The following AKR1C8 variants were observed in gnomAD, a reference collection of about 807,000 sequenced individuals.
AKR1C8 encodes the protein aldo-keto reductase family 1 member C-like protein 1.
chr10:5,155,501 T>C, the AKR1C8 span: 433 of 290,606 alleles, frequency 1.5e-3, 1 homozygote, highest in African/African-American at 9.0e-3. Flanking sequence ...ACATTTCTGC[T>C]GGGTCAGAGA....
the AKR1C8 span, among the ~76,000 whole-genome samples, chr10:5,117,658 T>C: frequency 5.9e-5 from 9 of 152,260 alleles, no homozygotes; most frequent in East Asian, 1.2e-3. Flanking sequence ...ACAAGAAGCA[T>C]AGCATTGGCA....
At chr10:5,127,218 T>C in the AKR1C8 span, among the ~76,000 whole-genome samples, 9 of 152,068 alleles carry the variant, frequency 5.9e-5, no homozygotes, top group Non-Finnish European at 1.0e-4. Flanking sequence ...TAAAATTTTT[T>C]TTTAAAAAAA....
chr10:5,116,794 G>A, the AKR1C8 span, among the ~76,000 whole-genome samples: 1 of 151,796 alleles, frequency 6.6e-6, no homozygotes, highest in African/African-American at 2.4e-5. Context: ...GCAGCTGTCT[G>A]CTTTTGGGTG....
the AKR1C8 span, among the ~76,000 whole-genome samples, chr10:5,144,446 T>C: frequency 2.6e-5 from 4 of 152,036 alleles, no homozygotes; most frequent in Admixed American, 2.0e-4. Context: ...TGGCATTGAA[T>C]CTGTAAATTA....
chr10:5,180,358 G>C, the AKR1C8 span, among the ~76,000 whole-genome samples: 2 of 152,156 alleles, frequency 1.3e-5, no homozygotes, highest in Non-Finnish European at 2.9e-5. Context: ...TGAGTACCTG[G>C]CTGTGTGCGG....
At chr10:5,176,331 A>G in the AKR1C8 span, among the ~76,000 whole-genome samples, 1 of 136,248 alleles carries the variant, frequency 7.3e-6, no homozygotes, top group African/African-American at 2.6e-5. Flanking sequence ...TGTTCCACTG[A>G]TCTATATCTC....
At chr10:5,129,788 A>G in the AKR1C8 span, among the ~76,000 whole-genome samples, 11 of 151,968 alleles carry the variant, frequency 7.2e-5, no homozygotes, top group African/African-American at 2.7e-4. Context: ...AAAATTGCCA[A>G]CAAAAAAAGC....
the AKR1C8 span, among the ~76,000 whole-genome samples, chr10:5,127,002 T>G: frequency 6.6e-6 from 1 of 152,050 alleles, no homozygotes; most frequent in Non-Finnish European, 1.5e-5. Flanking sequence ...TGAGAGGACA[T>G]CAGAAAAGTA....
At chr10:5,175,974 T>G in the AKR1C8 span, among the ~76,000 whole-genome samples, 3 of 152,134 alleles carry the variant, frequency 2.0e-5, no homozygotes, top group African/African-American at 4.8e-5. Flanking sequence ...AAAAGCTCTT[T>G]AGTTTAATTA....
the AKR1C8 span, among the ~76,000 whole-genome samples, chr10:5,172,129 G>A: frequency 1.3e-5 from 2 of 152,080 alleles, no homozygotes; most frequent in African/African-American, 4.8e-5. Flanking sequence ...TTACTTAGCT[G>A]CAAACAGGCA....
At chr10:5,118,775 T>C in the AKR1C8 span, among the ~76,000 whole-genome samples, 42,330 of 152,072 alleles carry the variant, frequency 0.28, 6,750 homozygotes, top group Non-Finnish European at 0.36. Flanking sequence ...TAGTGAAACA[T>C]CAGAGAGCAA....
chr10:5,139,131 A>C, the AKR1C8 span, among the ~76,000 whole-genome samples: 2 of 152,194 alleles, frequency 1.3e-5, no homozygotes, highest in African/African-American at 4.8e-5. Context: ...GAGAACTACA[A>C]ACCACTGCTC....
At chr10:5,182,371 T>C in the AKR1C8 span, among the ~76,000 whole-genome samples, 5 of 152,178 alleles carry the variant, frequency 3.3e-5, no homozygotes, top group African/African-American at 1.2e-4. Context: ...AAAACTGGCC[T>C]CATACCTTGT....
At chr10:5,180,158 G>C in the AKR1C8 span, among the ~76,000 whole-genome samples, 1 of 152,144 alleles carries the variant, frequency 6.6e-6, no homozygotes. Context: ...TTTTAGTGTG[G>C]ATGTCCTTTC....
chr10:5,123,262 C>G, the AKR1C8 span: 5 of 211,580 alleles, frequency 2.4e-5, no homozygotes, highest in Non-Finnish European at 5.3e-5. Flanking sequence ...TAATGCCCAC[C>G]CAACGCCTCA....
At chr10:5,143,301 T>A in the AKR1C8 span, among the ~76,000 whole-genome samples, 1 of 152,142 alleles carries the variant, frequency 6.6e-6, no homozygotes, top group East Asian at 1.9e-4. Flanking sequence ...AGCCTTCTGA[T>A]CTTTGAACTT....
the AKR1C8 span, among the ~76,000 whole-genome samples, chr10:5,167,533 G>T: frequency 5.9e-5 from 9 of 152,054 alleles, no homozygotes; most frequent in African/African-American, 2.2e-4. Flanking sequence ...CTATCGCAAG[G>T]ACAAAAAACC....
the AKR1C8 span, among the ~76,000 whole-genome samples, chr10:5,118,054 T>G: frequency 6.6e-6 from 1 of 152,178 alleles, no homozygotes. Context: ...CCAAAAGTTG[T>G]GACTTGGTCT....
the AKR1C8 span, among the ~76,000 whole-genome samples, chr10:5,182,890 G>A: frequency 6.6e-6 from 1 of 151,400 alleles, no homozygotes; most frequent in Admixed American, 6.6e-5. Context: ...AGCCTGGGCA[G>A]GAGAGCAGAC....
Sources: allele counts gnomAD v4.1 joint callset (sites outside exome capture counted in the v4.1 genomes callset), GRCh38; gene constraint gnomAD v4.1.1; transcripts MANE v1.5; gene names NCBI Gene and HGNC (gene_info 2026-07-23, HGNC 2026-07-21).